Variants in ZFYVE19 observed in about 807,000 individuals in gnomAD.
The protein encoded by ZFYVE19 is zinc finger FYVE-type containing 19.
In ZFYVE19, 49 loss-of-function variants were observed where a neutral mutation model predicts 62.8. That is an observed-to-expected ratio of 0.78 (90% CI 0.62 to 0.99). The LOEUF (loss-of-function observed/expected upper bound fraction) is 0.99. Ranked by LOEUF, ZFYVE19 falls within the 50% of genes least tolerant of loss-of-function variation. ZFYVE19 has a pLI of 0.00. For missense variants in ZFYVE19, 630 were observed against 601.9 expected (o/e 1.05, Z -0.49); for synonymous variants, 242 against 234.3 (o/e 1.03, Z -0.30).
Position 40,809,885 on chromosome 15 carries a change from C to T in ZFYVE19, c.486C>T (p.Pro162=). The T allele has an allele frequency of 1.2e-6, 2 of 1,614,212 alleles. No individual in the cohort carries two copies. The highest frequency in any genetic ancestry group is 1.7e-6 in the Non-Finnish European group (2 of 1,180,040). Residue 162 remains proline (P), a synonymous_variant, in exon 4 of 11, where the codon CCC becomes CCT. Coordinates refer to ENST00000355341, the MANE Select transcript of ZFYVE19 (RefSeq NM_001077268.2). Reference sequence around the variant, plus strand: ...CAGCCTTGGAAGCCAAGCAAAAGCCCAGCACTTCCCAGAGCCAGGGACTGA... The same window carrying T: ...CAGCCTTGGAAGCCAAGCAAAAGCCTAGCACTTCCCAGAGCCAGGGACTGA... ...RVAALEAKQK[P]STSQSQGLTR...
intron 1 of ZFYVE19, 59 bp from the exon 2 acceptor site, chr15:40,809,060 C>G (rs1890385638): frequency 6.2e-7 from 1 of 1,601,164 alleles, no homozygotes; most frequent in Admixed American, 1.7e-5. Context: ...TGGAGAGTCC[C>G]TGGGAGCAGC....
chr15:40,807,346 G>A lies in ZFYVE19; in HGVS notation c.-244G>A. 1 of 1,614,282 alleles carries A rather than the reference G, an allele frequency of 6.2e-7. No homozygotes were observed. Among genetic ancestry groups the A allele is most frequent in the Non-Finnish European group, 8.5e-7 (1 of 1,180,054 alleles). On this transcript the variant is annotated 5_prime_UTR_variant, in exon 1 of 11. Coordinates refer to ENST00000355341, the MANE Select transcript of ZFYVE19 (RefSeq NM_001077268.2). ...AGGACCGCCAGACCTCTCAAGATCAGCCTTCCTCGCCACCGTTCTCACCTC... is the reference window on the plus strand; with the variant it reads ...AGGACCGCCAGACCTCTCAAGATCAACCTTCCTCGCCACCGTTCTCACCTC...
rs1890273172 is a variant in ZFYVE19, at chr15:40,807,344, C to G, written c.-246C>G. ...GAAGGACCGCCAGACCTCTCAAGAT[C>G]AGCCTTCCTCGCCACCGTTCTCACC... On this transcript the variant is annotated 5_prime_UTR_variant, in exon 1 of 11. In the 5' UTR this introduces an upstream ATG that the reference lacks. Transcript: ENST00000355341. 6.2e-7 allele frequency: 1 copy of G among 1,614,252 alleles called. No individual in the cohort carries two copies. Among genetic ancestry groups the G allele is most frequent in the South Asian group, 1.1e-5 (1 of 91,088 alleles).
chr15:40,808,898 T>C, intron 1 of ZFYVE19: 2 of 525,512 alleles, frequency 3.8e-6, no homozygotes, highest in East Asian at 6.9e-5. Context: ...GTAGAAAGCA[T>C]GGGAATTTTG....
rs1430140043 is a variant in ZFYVE19, at chr15:40,807,131, C to T, written c.-459C>T. 2 of 1,022,574 alleles carry T rather than the reference C, an allele frequency of 2.0e-6. No individual in the cohort carries two copies. Among genetic ancestry groups the T allele is most frequent in the East Asian group, 2.6e-5 (1 of 38,062 alleles). The allele number at this position is 1,022,574 out of a possible 1,614,324, so 63.3% of individuals were successfully genotyped here. A position where few individuals can be genotyped will look rare whatever the true frequency, so the allele number is the denominator to read the frequency against. On this transcript the variant is annotated 5_prime_UTR_variant, in exon 1 of 11. Coordinates refer to ENST00000355341, the MANE Select transcript of ZFYVE19 (RefSeq NM_001077268.2). ...CCCGCGGCCTCTAGGAGACAGGGGCCACGGGGAGAGCACAGCCACCCGGCG... is the reference window on the plus strand; with the variant it reads ...CCCGCGGCCTCTAGGAGACAGGGGCTACGGGGAGAGCACAGCCACCCGGCG...
At chr15:40,812,664 T>C (rs754450033) in intron 6 of ZFYVE19, 35 bp from the exon 7 acceptor site, 1 of 1,562,298 alleles carries the variant, frequency 6.4e-7, no homozygotes, top group Non-Finnish European at 8.7e-7. Context: ...GATACTGGGA[T>C]GTCTCGGCCT....
chr15:40,812,703 C>T lies in ZFYVE19; in HGVS notation c.831C>T (p.Ala277=), dbSNP rs776199269. The T allele has an allele frequency of 1.9e-6, 3 of 1,606,294 alleles. No individual in the cohort carries two copies. Among genetic ancestry groups the T allele is most frequent in the Non-Finnish European group, 2.5e-6 (3 of 1,179,956 alleles). ...TGATGGCATTACCCCTTCCAGCTGC[C>T]TCTCTCCAGAATGATCTCAACCAGG... ...DESWKGGGPA[A]SLQNDLNQGG... Residue 277 remains alanine (A), a synonymous_variant, in exon 7 of 11, where the codon GCC becomes GCT. Transcript: ENST00000355341.
Position 40,814,071 on chromosome 15 carries a change from G to T in ZFYVE19, c.1337+1G>T. 1 of 1,614,106 alleles carries T rather than the reference G, an allele frequency of 6.2e-7. No homozygotes were observed. The highest frequency in any genetic ancestry group is 8.5e-7 in the Non-Finnish European group (1 of 1,179,948). ...ACCTCTTCTGTGCCCGCTGCTTCCGGTGGGTGCAGGTGGAATGTTCTGTGC... is the reference window on the plus strand; with the variant it reads ...ACCTCTTCTGTGCCCGCTGCTTCCGTTGGGTGCAGGTGGAATGTTCTGTGC... On this transcript the variant is annotated splice_donor_variant, in intron 10 of 10. Transcript: ENST00000355341. LOFTEE classifies it high-confidence loss of function.
intron 2 of ZFYVE19, 82 bp downstream of exon 2, chr15:40,809,322 C>T (rs375055304): frequency 3.7e-6 from 6 of 1,613,164 alleles, no homozygotes; most frequent in Admixed American, 1.7e-5. Context: ...TACTCTGTCG[C>T]GAGAGTCAGC....
intron 6 of ZFYVE19, among the ~76,000 whole-genome samples, chr15:40,811,678 C>A (rs1890492476): frequency 6.6e-6 from 1 of 152,100 alleles, no homozygotes; most frequent in Non-Finnish European, 1.5e-5. Context: ...GAATTTAAGA[C>A]CTGCCTGGGC....
intron 6 of ZFYVE19, 102 bp downstream of exon 6, chr15:40,810,859 G>A (rs2141977778): frequency 7.0e-7 from 1 of 1,425,806 alleles, no homozygotes; most frequent in East Asian, 2.5e-5. Flanking sequence ...AAATCGGAGA[G>A]TGATCAACGT....
chr15:40,814,742 T>C lies in ZFYVE19; in HGVS notation c.*516T>C, dbSNP rs1477384252. ...CTGGTGGCCTCATACGAAGTAAACA[T>C]GTATTCATTCAACTCAACTGTGCTC... On this transcript the variant is annotated 3_prime_UTR_variant, in exon 11 of 11. Transcript: ENST00000355341. The C allele has an allele frequency of 5.9e-6, 1 of 170,056 alleles. No individual in the cohort carries two copies. Among genetic ancestry groups the C allele is most frequent in the Admixed American group, 5.5e-5 (1 of 18,042 alleles). The allele number at this position is 170,056 out of a possible 1,614,324, so 10.5% of individuals were successfully genotyped here.
intron 7 of ZFYVE19, 54 bp downstream of exon 7, chr15:40,812,956 G>A: frequency 6.3e-7 from 1 of 1,586,116 alleles, no homozygotes. Context: ...GGCCTCCCTG[G>A]CAGGGCTGAG....
Position 40,814,384 on chromosome 15 carries a change from C to A in ZFYVE19, c.*158C>A. On this transcript the variant is annotated 3_prime_UTR_variant, in exon 11 of 11. Transcript: ENST00000355341. ...TGTCCCTGGAATGAGGAAAGATTCT[C>A]CATTCGAGAGAATGACTGGGAGGGA... 1.2e-6 allele frequency: 1 copy of A among 831,850 alleles called. No individual in the cohort carries two copies. The highest frequency in any genetic ancestry group is 2.7e-5 in the East Asian group (1 of 37,306). 51.5% of individuals were successfully genotyped at this position (831,850 alleles called of 1,614,324 possible).
At chr15:40,809,717 G>C in intron 3 of ZFYVE19, 135 bp from the exon 4 acceptor site, 2 of 1,018,692 alleles carry the variant, frequency 2.0e-6, no homozygotes, top group Non-Finnish European at 3.0e-6. Context: ...ACATGAGTGA[G>C]GGGCACAGCA....
intron 1 of ZFYVE19, chr15:40,808,307 C>T (rs554374317): frequency 3.8e-6 from 6 of 1,597,842 alleles, no homozygotes; most frequent in East Asian, 2.2e-5. Flanking sequence ...CTCCTGCTTC[C>T]GGGGCACCAT....
rs1226985684 is a variant in ZFYVE19, at chr15:40,813,943, G to A, written c.1210G>A (p.Ala404Thr). 2 of 1,605,626 alleles carry A rather than the reference G, an allele frequency of 1.2e-6. No homozygotes were observed. Among genetic ancestry groups the A allele is most frequent in the South Asian group, 1.1e-5 (1 of 89,760 alleles). Residue 404 changes from alanine to threonine, a missense_variant and splice_region_variant, in exon 10 of 11, where the codon GCC (alanine) becomes ACC (threonine). By Grantham distance (58) the Ala-to-Thr change is moderately conservative. Transcript: ENST00000355341. Reference sequence around the variant, plus strand: ...CTCCATTCCTCTCTGATCCCTGAAGGCCCAGGATGTGGACCCCAGGCCTGA... The same window carrying A: ...CTCCATTCCTCTCTGATCCCTGAAGACCCAGGATGTGGACCCCAGGCCTGA... ...WTQPRGAEPE[A>T]QDVDPRPEAE...
intron 6 of ZFYVE19, among the ~76,000 whole-genome samples, chr15:40,812,285 C>T (rs751693211): frequency 6.6e-6 from 1 of 152,176 alleles, no homozygotes; most frequent in Non-Finnish European, 1.5e-5. Context: ...TGATGGCTCA[C>T]GCCTGTAATC....
In ZFYVE19 at chr15:40,814,312, C is replaced by A. The variant is rs1314508596; in HGVS notation, c.*86C>A. 3 of 1,468,452 alleles carry A rather than the reference C, an allele frequency of 2.0e-6. No individual in the cohort carries two copies. The highest frequency in any genetic ancestry group is 2.4e-5 in the East Asian group (1 of 42,126). 91.0% of individuals were successfully genotyped at this position (1,468,452 alleles called of 1,614,324 possible). A position where few individuals can be genotyped will look rare whatever the true frequency, so the allele number is the denominator to read the frequency against. ...AGCCACAGGACGTCCGATGGGAGAGCTTGTCTGGCTCTACTGATGATGGAT... is the reference window on the plus strand; with the variant it reads ...AGCCACAGGACGTCCGATGGGAGAGATTGTCTGGCTCTACTGATGATGGAT... On this transcript the variant is annotated 3_prime_UTR_variant, in exon 11 of 11. Transcript: ENST00000355341.
Sources: allele counts gnomAD v4.1 joint callset (sites outside exome capture counted in the v4.1 genomes callset), GRCh38; gene constraint gnomAD v4.1.1; transcripts MANE v1.5; gene names NCBI Gene and HGNC (gene_info 2026-07-23, HGNC 2026-07-21).